TENM2: variants seen among roughly 807,000 people sequenced by gnomAD.
TENM2 encodes teneurin transmembrane protein 2, also known as teneurin-2.
In TENM2, 52 loss-of-function variants were observed where a neutral mutation model predicts 245.2. The ratio of observed to expected loss-of-function variants is 0.21; its 90% CI spans 0.17 to 0.27. The LOEUF is 0.27. TENM2 is among the 10% of genes least tolerant of loss of function. TENM2 has a pLI of 1.00. For synonymous variants in TENM2, 1,363 were observed against 1,438.9 expected (o/e 0.95, Z 1.19); for missense variants, 3,046 against 3,666.8 (o/e 0.83, Z 4.37).
intron 7 of TENM2, among the ~76,000 whole-genome samples, chr5:168,081,644 A>C (rs1421124353): frequency 1.3e-5 from 2 of 152,180 alleles, no homozygotes; most frequent in Non-Finnish European, 2.9e-5. Flanking sequence ...AAAATCTCTC[A>C]GCATTTGCTT....
At chr5:167,339,191 A>C (rs1163415327) in intron 1 of TENM2, among the ~76,000 whole-genome samples, 1 of 152,188 alleles carries the variant, frequency 6.6e-6, no homozygotes, top group Non-Finnish European at 1.5e-5. Flanking sequence ...TATGAATGAG[A>C]CTCAATGCAT....
At chr5:168,119,981 C>T (rs901243001) in intron 10 of TENM2, among the ~76,000 whole-genome samples, 1 of 152,144 alleles carries the variant, frequency 6.6e-6, no homozygotes, top group African/African-American at 2.4e-5. Flanking sequence ...TCCCAACAAC[C>T]AATGGATCTC....
At chr5:167,352,875 G>C (rs1255924313) in intron 1 of TENM2, among the ~76,000 whole-genome samples, 1 of 152,166 alleles carries the variant, frequency 6.6e-6, no homozygotes, top group African/African-American at 2.4e-5. Context: ...CTATCACCAA[G>C]TTCTGAAGTG....
At chr5:167,996,015 A>G (rs1011693414) in intron 5 of TENM2, among the ~76,000 whole-genome samples, 1 of 152,136 alleles carries the variant, frequency 6.6e-6, no homozygotes, top group African/African-American at 2.4e-5. Context: ...CCTGAAATTG[A>G]TGCATCAGCC....
intron 9 of TENM2, among the ~76,000 whole-genome samples, chr5:168,100,566 G>A (rs999747291): frequency 6.6e-6 from 1 of 152,168 alleles, no homozygotes; most frequent in African/African-American, 2.4e-5. Flanking sequence ...AAAAAAGGAT[G>A]AGTTCATATC....
intron 5 of TENM2, among the ~76,000 whole-genome samples, chr5:167,995,406 A>G (rs1282724756): frequency 2.0e-5 from 3 of 152,188 alleles, no homozygotes; most frequent in Non-Finnish European, 2.9e-5. Flanking sequence ...ATCATTTCCT[A>G]TTATGTATTC....
intron 9 of TENM2, among the ~76,000 whole-genome samples, chr5:168,110,300 C>G (rs770377772): frequency 2.6e-5 from 4 of 152,094 alleles, no homozygotes; most frequent in Non-Finnish European, 5.9e-5. Context: ...AGTTTTCTCC[C>G]AGTGAAAACA....
At position 168,205,517 on chromosome 5, in the gene TENM2, A is replaced by C. The variant is rs562459355; in HGVS notation, c.3824+896A>C. Among the ~76,000 whole-genome samples, 4 of 152,332 alleles carry C rather than the reference A, an allele frequency of 2.6e-5. No individual in the cohort carries two copies. The East Asian group carries it at 7.7e-4, about 29-fold the overall frequency. ...GGGTACATGGATGAGGAGGCTACGTAAGGTGAATTAGTTGGAGAAACCTCT... is the reference window on the plus strand; with the variant it reads ...GGGTACATGGATGAGGAGGCTACGTCAGGTGAATTAGTTGGAGAAACCTCT... On this transcript the variant is annotated intron_variant, in intron 19 of 28. Coordinates refer to ENST00000518659, the Ensembl canonical transcript of TENM2.
the TENM2 span, among the ~76,000 whole-genome samples, chr5:167,015,124 T>A: frequency 6.6e-6 from 1 of 152,210 alleles, no homozygotes; most frequent in Non-Finnish European, 1.5e-5. Flanking sequence ...TAAACATTTT[T>A]AACTATGGAG....
At chr5:166,979,235 A>AGCAGAAGCAGCAGCC in the TENM2 span, among the ~76,000 whole-genome samples, 3 of 142,950 alleles carry the variant, frequency 2.1e-5, no homozygotes, top group Non-Finnish European at 3.2e-5. Context: ...CAGCAGCAGC[A>AGCAGAAGCAGCAGCC]GCCGCCGCGG....
intron 7 of TENM2, among the ~76,000 whole-genome samples, chr5:168,073,378 G>A (rs1791189505): frequency 1.3e-5 from 2 of 152,188 alleles, no homozygotes; most frequent in Non-Finnish European, 2.9e-5. Context: ...CAGGCAAGGA[G>A]AAAGACAAGA....
intron 2 of TENM2, among the ~76,000 whole-genome samples, chr5:167,780,850 C>T (rs1764140296): frequency 6.6e-6 from 1 of 152,174 alleles, no homozygotes; most frequent in Non-Finnish European, 1.5e-5. Context: ...AACATAATTA[C>T]TGCAAATACT....
intron 5 of TENM2, among the ~76,000 whole-genome samples, chr5:168,023,422 G>C (rs770536858): frequency 1.3e-5 from 2 of 152,168 alleles, no homozygotes; most frequent in Non-Finnish European, 2.9e-5. Flanking sequence ...CTCTCTGGCA[G>C]CCTGGCCCGC....
chr5:167,690,210 G>A (rs1236946969), intron 2 of TENM2, among the ~76,000 whole-genome samples: 2 of 147,380 alleles, frequency 1.4e-5, no homozygotes, highest in South Asian at 2.1e-4. Context: ...TACATGTCAA[G>A]CCATTATATT....
At chr5:167,109,715 C>T in the TENM2 span, among the ~76,000 whole-genome samples, 4 of 152,022 alleles carry the variant, frequency 2.6e-5, no homozygotes, top group Non-Finnish European at 5.9e-5. Context: ...TCACTTCTCA[C>T]GTTCATCCTA....
At chr5:167,956,434 T>C (rs1780562588) in intron 4 of TENM2, among the ~76,000 whole-genome samples, 1 of 152,182 alleles carries the variant, frequency 6.6e-6, no homozygotes. Flanking sequence ...CAATTTGACC[T>C]CCTGTCTTCC....
At chr5:167,770,294 G>A (rs1763318006) in intron 2 of TENM2, among the ~76,000 whole-genome samples, 1 of 152,156 alleles carries the variant, frequency 6.6e-6, no homozygotes, top group South Asian at 2.1e-4. Flanking sequence ...GACAAGGAAA[G>A]CAGGATATAC....
At chr5:168,130,790 G>A (rs185419549) in intron 12 of TENM2, among the ~76,000 whole-genome samples, 140 of 152,264 alleles carry the variant, frequency 9.2e-4, no homozygotes, top group African/African-American at 2.8e-3. Flanking sequence ...TTGGGAGGCC[G>A]ATGTGGGAGA....
chr5:167,743,485 A>T (rs1193798981), intron 2 of TENM2, among the ~76,000 whole-genome samples: 1 of 152,238 alleles, frequency 6.6e-6, no homozygotes, highest in Non-Finnish European at 1.5e-5. Flanking sequence ...AAAAAGGCTT[A>T]TCAAACAATT....
Sources: allele counts gnomAD v4.1 joint callset (sites outside exome capture counted in the v4.1 genomes callset), GRCh38; gene constraint gnomAD v4.1.1; transcripts MANE v1.5; gene names NCBI Gene and HGNC (gene_info 2026-07-23, HGNC 2026-07-21).